Variants in TPSD1 observed in about 807,000 individuals in gnomAD.
The protein encoded by TPSD1 is tryptase delta 1, also known as tryptase delta.
Under a neutral mutation model 25.4 loss-of-function variants are expected in TPSD1, and 30 were observed. That is an observed-to-expected ratio of 1.18 (90% CI 0.88 to 1.60). The LOEUF (loss-of-function observed/expected upper bound fraction) is 1.60. TPSD1 is among the 40% of genes most tolerant of loss of function. The pLI is 0.00. For synonymous variants in TPSD1, 176 were observed against 149.4 expected (o/e 1.18, Z -1.30); for missense variants, 420 against 324.2 (o/e 1.30, Z -2.27).
rs1274909394 is a variant in TPSD1 at position 1,258,521 on chromosome 16, G to T, written c.*145G>T. ...AGCCAGGCCTGGGGTGTCCACCCGG[G>T]TCACTGGAGGGCCAGCCCCTCCTGT... On this transcript the variant is annotated 3_prime_UTR_variant, in exon 5 of 5. Transcript: ENST00000211076. 5.6e-6 allele frequency: 9 copies of T among 1,604,890 alleles called. No individual in the cohort carries two copies. The highest frequency in any genetic ancestry group is 7.7e-6 in the Non-Finnish European group (9 of 1,175,002).
In TPSD1 at chr16:1,258,443, C is replaced by T. The variant is rs1488664002; in HGVS notation, c.*67C>T. 7.4e-6 allele frequency: 12 copies of T among 1,613,630 alleles called. No homozygotes were observed. Among genetic ancestry groups the T allele is most frequent in the East Asian group, 2.2e-5 (1 of 44,888 alleles). On this transcript the variant is annotated 3_prime_UTR_variant, in exon 5 of 5. Transcript: ENST00000211076. The stretch of plus-strand genomic sequence containing the variant: ...GCCCAACCGGCCTGGCATCTACACC[C>T]GTGTCACCTACTACTTGGACTGGAT...
Position 1,256,558 on chromosome 16 carries a change from A to T in TPSD1, c.125A>T (p.Gln42Leu), listed in dbSNP as rs2030972075. The T allele has an allele frequency of 1.2e-6, 2 of 1,611,598 alleles. No homozygotes were observed. Among genetic ancestry groups the T allele is most frequent in the Non-Finnish European group, 1.7e-6 (2 of 1,179,532 alleles). ...CAGCAAACGGGCATTGTTGGGGGGC[A>T]GGAGGCCCCCAGGAGCAAGTGGCCC... ...ALQQTGIVGG[Q>L]EAPRSKWPWQ... The change falls in exon 2 of 5, where the codon CAG (glutamine) becomes CTG (leucine). Residue 42 changes from glutamine (Q) to leucine (L), a missense_variant. Coordinates refer to ENST00000211076, the MANE Select transcript of TPSD1 (RefSeq NM_012217.3).
chr16:1,257,961 C>T, intron 3 of TPSD1, 98 bp from the exon 4 acceptor site: 2 of 1,314,804 alleles, frequency 1.5e-6, no homozygotes, highest in Non-Finnish European at 2.1e-6. Context: ...GCACTGGGCC[C>T]ATGGTGCCAT....
intron 3 of TPSD1, chr16:1,257,538 C>G: frequency 4.2e-6 from 1 of 237,514 alleles, no homozygotes; most frequent in Non-Finnish European, 8.2e-6. Context: ...CACATTTTCA[C>G]TTCTAGAAGG....
chr16:1,256,706 G>A lies in TPSD1; in HGVS notation c.254+19G>A, dbSNP rs779137560. On this transcript the variant is annotated intron_variant, in intron 2 of 4. Transcript: ENST00000211076. The stretch of plus-strand genomic sequence containing the variant: ...TGGAACCGTGAGTCTCCTGGGGCCT[G>A]GAGGGGTGGGCAAGGGCTGGATGTG... The A allele has an allele frequency of 6.8e-6, 11 of 1,611,560 alleles. No homozygotes were observed. Among genetic ancestry groups the A allele is most frequent in the Non-Finnish European group, 7.6e-6 (9 of 1,179,074 alleles).
At chr16:1,257,137 C>G in intron 3 of TPSD1, 75 bp downstream of exon 3, 6 of 1,495,332 alleles carry the variant, frequency 4.0e-6, no homozygotes, top group Non-Finnish European at 5.4e-6. Flanking sequence ...CGTGGGGTGA[C>G]AGGGTCCCTC....
rs1046460773 is a variant in TPSD1 at position 1,257,215 on chromosome 16, G to C, written c.520+153G>C. On this transcript the variant is annotated intron_variant, in intron 3 of 4. Coordinates refer to ENST00000211076, the MANE Select transcript of TPSD1 (RefSeq NM_012217.3). ...GAGCAGGCGGTGGCGAGAGGCAGCA[G>C]GTGCCCTGAGCAGAGACGGTGAGTC... 18 of 1,124,150 alleles carry C rather than the reference G, an allele frequency of 1.6e-5. No individual in the cohort carries two copies. The Admixed American group carries it at 4.8e-4, about 30-fold the overall frequency. The allele number at this position is 1,124,150 out of a possible 1,614,324, so 69.6% of individuals were successfully genotyped here.
At position 1,258,627 on chromosome 16, in the gene TPSD1, G is replaced by A. The variant is rs1300421837; in HGVS notation, c.*251G>A. On this transcript the variant is annotated 3_prime_UTR_variant, in exon 5 of 5. Transcript: ENST00000211076. ...TCCTGAGTCCCCTCTCCCATCCTGAGCCCTGTCCCCTGTCCTGAGCCCCCT... is the reference window on the plus strand; with the variant it reads ...TCCTGAGTCCCCTCTCCCATCCTGAACCCTGTCCCCTGTCCTGAGCCCCCT... 3.2e-6 allele frequency: 3 copies of A among 933,822 alleles called. No individual in the cohort carries two copies. Among genetic ancestry groups the A allele is most frequent in the African/African-American group, 5.3e-5 (2 of 37,868 alleles). 57.8% of individuals were successfully genotyped at this position (933,822 alleles called of 1,614,324 possible). A position where few individuals can be genotyped will look rare whatever the true frequency, so the allele number is the denominator to read the frequency against.
At chr16:1,257,266 C>T in intron 3 of TPSD1, 1 of 708,150 alleles carries the variant, frequency 1.4e-6, no homozygotes. Context: ...TCCCCCACCC[C>T]AGGGGTTTGG....
In TPSD1 at chr16:1,256,812, G is replaced by A; in HGVS notation, c.270G>A (p.Leu90=). The change falls in exon 3 of 5, where the codon CTG becomes CTA. Residue 90 remains leucine (L), a synonymous_variant. Coordinates refer to ENST00000211076, the MANE Select transcript of TPSD1 (RefSeq NM_012217.3). ...CGCTGCCCAGGGACATCAAGGATCT[G>A]GCCGCCCTCAGGGTGCAACTGCGGG... is the stretch of plus-strand genomic sequence containing the variant. ...AHCVEPDIKD[L]AALRVQLREQ... is the part of the protein sequence containing the mutation. 6.2e-7 allele frequency: 1 copy of A among 1,612,502 alleles called. No homozygotes were observed. The highest frequency in any genetic ancestry group is 8.5e-7 in the Non-Finnish European group (1 of 1,179,932).
chr16:1,258,101 C>G lies in TPSD1; in HGVS notation c.563C>G (p.Pro188Arg). The change falls in exon 4 of 5, where the codon CCC (proline) becomes CGC (arginine). Residue 188 changes from proline to arginine, a missense_variant. By Grantham distance (103) the Pro-to-Arg change is moderately radical. Transcript: ENST00000211076. The stretch of plus-strand genomic sequence containing the variant: ...TACCCGCTGAAGGAGGTGGAAGTCC[C>G]CGTAGTGGAAAACCACCTTTGCAAC... ...PPYPLKEVEV[P>R]VVENHLCNAE... 1 of 1,602,612 alleles carries G rather than the reference C, an allele frequency of 6.2e-7. No individual in the cohort carries two copies. The highest frequency in any genetic ancestry group is 1.1e-5 in the South Asian group (1 of 89,322).
In TPSD1 at chr16:1,257,018, G is replaced by C; in HGVS notation, c.476G>C (p.Gly159Ala). 1 of 1,613,166 alleles carries C rather than the reference G, an allele frequency of 6.2e-7. No individual in the cohort carries two copies. Among genetic ancestry groups the C allele is most frequent in the Non-Finnish European group, 8.5e-7 (1 of 1,179,746 alleles). The change falls in exon 3 of 5, where the codon GGG becomes GCG. Residue 159 changes from glycine to alanine, a missense_variant. Coordinates refer to ENST00000211076, the MANE Select transcript of TPSD1 (RefSeq NM_012217.3). ...CCTGCCTCGGAGACCTTCCCCCCGG[G>C]GATGCCGTGCTGGGTCACTGGCTGG... ...LPPASETFPP[G>A]MPCWVTGWGD...
Position 1,256,904 on chromosome 16 carries a change from A to G in TPSD1, c.362A>G (p.Tyr121Cys). Residue 121 changes from tyrosine (Y) to cysteine (C), a missense_variant, in exon 3 of 5, where the codon TAC becomes TGC. By Grantham distance (194) the Tyr-to-Cys change is radical (BLOSUM62 -2). Transcript: ENST00000211076. ...AGGATCATCGTGCACCCACAGTTCT[A>G]CATCATCCAGACCGGGGCGGACATC... Reference protein sequence around the residue: ...VSRIIVHPQFYIIQTGADIAL... With the variant: ...VSRIIVHPQFCIIQTGADIAL... The G allele has an allele frequency of 6.2e-7, 1 of 1,613,954 alleles. No individual in the cohort carries two copies. Among genetic ancestry groups the G allele is most frequent in the Non-Finnish European group, 8.5e-7 (1 of 1,180,030 alleles).
intron 3 of TPSD1, 100 bp downstream of exon 3, chr16:1,257,162 A>G: frequency 6.9e-7 from 1 of 1,456,384 alleles, no homozygotes; most frequent in Non-Finnish European, 9.1e-7. Flanking sequence ...CGGCTCAGGG[A>G]GGGGGACTGT....
chr16:1,258,148 C>G lies in TPSD1; in HGVS notation c.610C>G (p.His204Asp). 1 of 1,612,150 alleles carries G rather than the reference C, an allele frequency of 6.2e-7. No individual in the cohort carries two copies. Among genetic ancestry groups the G allele is most frequent in the Non-Finnish European group, 8.5e-7 (1 of 1,179,592 alleles). The stretch of plus-strand genomic sequence containing the variant: ...CAACGCGGAATATCACACCGGCCTC[C>G]ATACGGGCCACAGCTTTCAAATCGT... ...LCNAEYHTGL[H>D]TGHSFQIVRD... Residue 204 changes from histidine to aspartate, a missense_variant, in exon 4 of 5, where the codon CAT (histidine) becomes GAT (aspartate). Coordinates refer to ENST00000211076, the MANE Select transcript of TPSD1 (RefSeq NM_012217.3).
chr16:1,257,402 A>C, intron 3 of TPSD1: 1 of 409,078 alleles, frequency 2.4e-6, no homozygotes. Flanking sequence ...AAGGAGAGAG[A>C]CCGGTGCTGG....
intron 3 of TPSD1, among the ~76,000 whole-genome samples, chr16:1,257,698 G>T (rs116528198): frequency 6.6e-6 from 1 of 152,172 alleles, no homozygotes; most frequent in Non-Finnish European, 1.5e-5. Flanking sequence ...TGAGCCCAGC[G>T]CCCTGTGTTC....
In TPSD1 at chr16:1,258,218, G is replaced by T; in HGVS notation, c.680G>T (p.Cys227Phe). ...LCAGSENHDSCQGDSGGPLVC... is the reference protein window; with the variant it reads ...LCAGSENHDSFQGDSGGPLVC... ...GCGGGGAGCGAAAATCACGACTCCTGCCAGGTGGGCCCTCGCGTCCCCCAC... is the reference window on the plus strand; with the variant it reads ...GCGGGGAGCGAAAATCACGACTCCTTCCAGGTGGGCCCTCGCGTCCCCCAC... The change falls in exon 4 of 5, where the codon TGC (cysteine) becomes TTC (phenylalanine). Residue 227 changes from cysteine to phenylalanine, a missense_variant. Cys to Phe is a radical substitution (Grantham distance 205). Transcript: ENST00000211076. 6.2e-7 allele frequency: 1 copy of T among 1,612,416 alleles called. No individual in the cohort carries two copies. Among genetic ancestry groups the T allele is most frequent in the Non-Finnish European group, 8.5e-7 (1 of 1,179,840 alleles).
intron 3 of TPSD1, chr16:1,257,797 C>G (rs898888678): frequency 5.3e-6 from 3 of 569,230 alleles, no homozygotes; most frequent in African/African-American, 1.9e-5. Flanking sequence ...GGCTCTGCAC[C>G]CCCGTGCCAT....
Sources: gnomAD v4.1 joint callset for allele counts (sites outside exome capture counted in the v4.1 genomes callset) on GRCh38, gnomAD v4.1.1 for gene constraint, MANE v1.5 for transcripts, NCBI Gene and HGNC (gene_info 2026-07-23, HGNC 2026-07-21) for gene names.